The following BEND3 variants were observed in gnomAD, a reference collection of about 807,000 sequenced individuals.
BEND3 encodes the protein BEN domain-containing protein 3.
A neutral mutation model predicts 60.1 loss-of-function variants in BEND3; 13 were observed. The ratio of observed to expected loss-of-function variants is 0.22; its 90% confidence interval spans 0.14 to 0.34. The LOEUF is 0.34. Among genes scored for constraint, BEND3 ranks in the 10% least tolerant of loss-of-function variants. The pLI is 1.00. For synonymous variants in BEND3, 497 were observed against 491.5 expected, an observed-to-expected ratio of 1.01 and a Z score of -0.15; for missense variants, 896 against 1,138.1, an observed-to-expected ratio of 0.79 and a Z score of 3.06.
At chr6:107,094,124 A>C (rs1020093797) in intron 3 of BEND3, among the ~76,000 whole-genome samples, 1 of 152,232 alleles carries the variant, frequency 6.6e-6, no homozygotes, top group Non-Finnish European at 1.5e-5. Flanking sequence ...TAATCCCGGC[A>C]CTTTCGAAGG....
intron 1 of BEND3, 77 bp from the exon 2 acceptor site, chr6:107,099,373 C>T: frequency 7.7e-7 from 1 of 1,306,222 alleles, no homozygotes; most frequent in African/African-American, 1.4e-5. Flanking sequence ...ACAGAAAATC[C>T]TCTTACCCTC....
Position 107,066,626 on chromosome 6 carries a change from G to C in BEND3, c.*2078C>G, listed in dbSNP as rs1484051719. On this transcript the variant is annotated 3_prime_UTR_variant, in exon 4 of 4. Coordinates refer to ENST00000369042, the MANE Select transcript of BEND3 (RefSeq NM_001367314.1). Reference sequence around the variant, plus strand: ...AACATTCCACCCTCTAGAAAGCAGGGCAATTCATGGCTTGGAGTCCTCGTT... The same window carrying C: ...AACATTCCACCCTCTAGAAAGCAGGCCAATTCATGGCTTGGAGTCCTCGTT... The C allele has an allele frequency of 6.6e-6, 1 of 152,544 alleles. No homozygotes were observed. The highest frequency in any genetic ancestry group is 2.4e-5 in the African/African-American group (1 of 41,424). 9.4% of individuals were successfully genotyped at this position (152,544 alleles called of 1,614,324 possible).
chr6:107,080,497 G>A (rs922925538), intron 3 of BEND3, among the ~76,000 whole-genome samples: 5 of 152,028 alleles, frequency 3.3e-5, no homozygotes, highest in Non-Finnish European at 7.4e-5. Flanking sequence ...AGCGGCAGAG[G>A]ATAAGAGAAT....
chr6:107,075,892 T>C (rs1305343659), intron 3 of BEND3, among the ~76,000 whole-genome samples: 3 of 152,188 alleles, frequency 2.0e-5, no homozygotes, highest in East Asian at 1.9e-4. Context: ...CAAGAGTACA[T>C]TGAAACTGGG....
chr6:107,107,865 A>C (rs1775852323), intron 1 of BEND3, among the ~76,000 whole-genome samples: 1 of 152,178 alleles, frequency 6.6e-6, no homozygotes, highest in Non-Finnish European at 1.5e-5. Context: ...AAACATAGAA[A>C]CTGGAGGGAG....
intron 1 of BEND3, among the ~76,000 whole-genome samples, chr6:107,108,337 A>G (rs1269278147): frequency 6.6e-6 from 1 of 151,858 alleles, no homozygotes; most frequent in African/African-American, 2.4e-5. Flanking sequence ...GTTCTCCCCA[A>G]CCTCGTGGAG....
intron 3 of BEND3, among the ~76,000 whole-genome samples, chr6:107,077,530 C>T (rs973976562): frequency 1.4e-4 from 22 of 152,238 alleles, no homozygotes; most frequent in African/African-American, 4.3e-4. Flanking sequence ...GCTGCCAACA[C>T]TATATGGTAA....
At chr6:107,105,283 A>C (rs1355528845) in intron 1 of BEND3, among the ~76,000 whole-genome samples, 1 of 151,728 alleles carries the variant, frequency 6.6e-6, no homozygotes, top group Admixed American at 6.6e-5. Context: ...AGGCAGGAGA[A>C]TCGCTTGAAC....
At chr6:107,113,514 A>AGAC (rs1195050974) in intron 1 of BEND3, among the ~76,000 whole-genome samples, 1 of 151,772 alleles carries the variant, frequency 6.6e-6, no homozygotes, top group African/African-American at 2.4e-5. Context: ...AGGGCCACAC[A>AGAC]GACACCAGCT....
At chr6:107,100,002 T>G (rs1220269267) in intron 1 of BEND3, among the ~76,000 whole-genome samples, 2 of 151,966 alleles carry the variant, frequency 1.3e-5, no homozygotes, top group African/African-American at 4.8e-5. Context: ...CTAGAATGGC[T>G]AGGACTACAG....
chr6:107,114,807 A>G (rs1272443471), intron 1 of BEND3, among the ~76,000 whole-genome samples: 7 of 146,270 alleles, frequency 4.8e-5, no homozygotes, highest in Non-Finnish European at 7.6e-5. Context: ...CGTGCTCCCC[A>G]GAACGCCATG....
At chr6:107,073,931 A>T (rs563192181) in intron 3 of BEND3, among the ~76,000 whole-genome samples, 147 of 152,240 alleles carry the variant, frequency 9.7e-4, no homozygotes, top group African/African-American at 3.4e-3. Context: ...AGCTGTTCTG[A>T]TAAGAGCACT....
rs782146621 is a variant in BEND3, at chr6:107,069,263, C to T, written c.1928G>A (p.Cys643Tyr). Residue 643 changes from cysteine (C) to tyrosine (Y), a missense_variant, in exon 4 of 4, where the codon TGC (cysteine) becomes TAC (tyrosine). This residue lies in a region of BEND3 where 846 missense variants were observed against 1,036.7 expected (regional missense o/e 0.82). Transcript: ENST00000369042. ...CCTTTGCTCCGTGTCCCGGCGCCGG[C>T]AGCGCTCATCCAGTTTGCCCACGAA... is the stretch of plus-strand genomic sequence containing the variant. ...LEFVGKLDER[C>Y]RRRDTEQRRS... is the part of the protein sequence containing the mutation. 1 of 1,611,624 alleles carries T rather than the reference C, an allele frequency of 6.2e-7. No individual in the cohort carries two copies. The highest frequency in any genetic ancestry group is 8.5e-7 in the Non-Finnish European group (1 of 1,179,232).
At chr6:107,071,857 G>T (rs1490693423) in intron 3 of BEND3, among the ~76,000 whole-genome samples, 1 of 152,182 alleles carries the variant, frequency 6.6e-6, no homozygotes, top group Admixed American at 6.5e-5. Context: ...TCATTGCCTA[G>T]GGATGGCAGG....
intron 1 of BEND3, among the ~76,000 whole-genome samples, chr6:107,107,661 CCATGT>C (rs1775847832): frequency 6.6e-6 from 1 of 152,142 alleles, no homozygotes; most frequent in Admixed American, 6.5e-5. Context: ...CGGGGTTTTA[CCATGT>C]TGGCCAGGAT....
Position 107,099,231 on chromosome 6 carries a change from A to C in BEND3, c.37+18T>G, listed in dbSNP as rs781808736. 40 of 1,585,956 alleles carry C rather than the reference A, an allele frequency of 2.5e-5. No individual in the cohort carries two copies. Among genetic ancestry groups the C allele is most frequent in the Non-Finnish European group, 3.5e-5 (40 of 1,159,328 alleles). Reference sequence around the variant, plus strand: ...ATTCAGTTAAAAACATTTTTCAAAAAGGGCATTTTTTTTTTACCTTCTTCT... The same window carrying C: ...ATTCAGTTAAAAACATTTTTCAAAACGGGCATTTTTTTTTTACCTTCTTCT... On this transcript the variant is annotated intron_variant, in intron 2 of 3. Transcript: ENST00000369042.
chr6:107,105,608 C>T (rs1554237361), intron 1 of BEND3, among the ~76,000 whole-genome samples: 2 of 152,142 alleles, frequency 1.3e-5, no homozygotes, highest in African/African-American at 4.8e-5. Flanking sequence ...GGGACAGCAG[C>T]GTGAGCCTAA....
At chr6:107,103,960 AAAGAAAGAAAG>A (rs782208299) in intron 1 of BEND3, among the ~76,000 whole-genome samples, 15 of 10,490 alleles carry the variant, frequency 1.4e-3, no homozygotes, top group African/African-American at 3.9e-3. Flanking sequence ...AAAAAAAAAA[AAAGAAAGAAAG>A]AAAGAAAGAA....
At chr6:107,076,682 C>T (rs550865829) in intron 3 of BEND3, among the ~76,000 whole-genome samples, 41 of 152,206 alleles carry the variant, frequency 2.7e-4, no homozygotes, top group South Asian at 6.2e-4. Flanking sequence ...AGAGTCAGCA[C>T]GCTGGAACAC....
Sources: allele counts gnomAD v4.1 joint callset (sites outside exome capture counted in the v4.1 genomes callset), GRCh38; gene constraint gnomAD v4.1.1; regional missense constraint gnomAD v4.1.1; transcripts MANE v1.5; gene names NCBI Gene and HGNC (gene_info 2026-07-23, HGNC 2026-07-21).